TLN1: variants seen among roughly 807,000 people sequenced by gnomAD.
TLN1 encodes the protein talin 1.
Under a neutral mutation model 292.3 loss-of-function variants are expected in TLN1, and 56 were observed. The observed-to-expected ratio is 0.19, with a 90% CI of 0.15 to 0.24. The LOEUF is 0.24. Ranked by LOEUF, TLN1 falls within the 10% of genes least tolerant of loss-of-function variation. The pLI, the probability that TLN1 is intolerant of heterozygous loss-of-function variation, is 1.00. For synonymous variants in TLN1, 1,119 were observed against 1,253.7 expected (o/e 0.89, Z 2.27); for missense variants, 2,433 against 3,248.2 (o/e 0.75, Z 6.10).
intron 48 of TLN1, among the ~76,000 whole-genome samples, chr9:35,701,407 A>T (rs985714332): frequency 1.2e-4 from 19 of 152,172 alleles, no homozygotes; most frequent in Non-Finnish European, 5.9e-5. Flanking sequence ...ACTCATGAGT[A>T]ACTGGGACAG....
chr9:35,723,738 G>T, intron 7 of TLN1: 1 of 621,956 alleles, frequency 1.6e-6, no homozygotes, highest in Non-Finnish European at 2.7e-6. Context: ...TCAGAGATGG[G>T]GGTAGGGGCA....
intron 34 of TLN1, 154 bp from the exon 35 acceptor site, chr9:35,708,046 A>C (rs1456390121): frequency 1.1e-6 from 1 of 888,176 alleles, no homozygotes; most frequent in Non-Finnish European, 1.7e-6. Flanking sequence ...TCTAGGAGAC[A>C]GAGATACCCA....
rs894635972 is a variant in TLN1 at position 35,699,592 on chromosome 9, C to T, written c.6769-131G>A. ...TCCACACCATAGCCCTCAAACTCCACGCTGCCTATCCAAGTACACATCATG... is the reference window on the plus strand; with the variant it reads ...TCCACACCATAGCCCTCAAACTCCATGCTGCCTATCCAAGTACACATCATG... On this transcript the variant is annotated intron_variant, in intron 50 of 56. Coordinates refer to ENST00000314888, the MANE Select transcript of TLN1 (RefSeq NM_006289.4). The surrounding 1 kb of genome is among the most constrained non-coding windows in gnomAD (Gnocchi z 4.0). The T allele has an allele frequency of 1.0e-5, 15 of 1,430,092 alleles. No homozygotes were observed. Among genetic ancestry groups the T allele is most frequent in the Middle Eastern group, 2.5e-4 (1 of 4,046 alleles). 88.6% of individuals were successfully genotyped at this position (1,430,092 alleles called of 1,614,324 possible). A position where few individuals can be genotyped will look rare whatever the true frequency, so the allele number is the denominator to read the frequency against.
Position 35,704,266 on chromosome 9 carries a change from T to C in TLN1, c.6047+66A>G, listed in dbSNP as rs1472601555. ...AGGTCTTCCCCATTCCAGCGAATGCTATCCTGCCTCTTCCAGCCCCGTGCC... is the reference window on the plus strand; with the variant it reads ...AGGTCTTCCCCATTCCAGCGAATGCCATCCTGCCTCTTCCAGCCCCGTGCC... On this transcript the variant is annotated intron_variant, in intron 45 of 56. Coordinates refer to ENST00000314888, the MANE Select transcript of TLN1 (RefSeq NM_006289.4). The surrounding 1 kb of genome is among the most constrained non-coding windows in gnomAD (Gnocchi z 6.9). 1.9e-6 allele frequency: 3 copies of C among 1,582,222 alleles called. No individual in the cohort carries two copies. In the African/African-American group the frequency reaches 4.0e-5, roughly 21 times the overall value.
rs775353147 is a variant in TLN1, at chr9:35,698,286, T to C, written c.7371+37A>G. On this transcript the variant is annotated intron_variant, in intron 55 of 56. Coordinates refer to ENST00000314888, the MANE Select transcript of TLN1 (RefSeq NM_006289.4). This position sits in a 1 kb window ranked among gnomAD's most constrained non-coding sequence, Gnocchi z 5.3. The stretch of plus-strand genomic sequence containing the variant: ...TCGGGAGTGACAGTTTGAAGCAGTA[T>C]AGCCCAAGGGACAATGGGATGGGTC... 1.9e-6 allele frequency: 3 copies of C among 1,611,840 alleles called. No individual in the cohort carries two copies. Among genetic ancestry groups the C allele is most frequent in the Non-Finnish European group, 2.5e-6 (3 of 1,178,284 alleles).
intron 7 of TLN1, chr9:35,723,510 T>G (rs1482777019): frequency 4.8e-6 from 1 of 208,796 alleles, no homozygotes; most frequent in African/African-American, 2.4e-5. Context: ...GAGCACCATT[T>G]CAGGGAACCA....
intron 1 of TLN1, among the ~76,000 whole-genome samples, chr9:35,730,942 G>A (rs1424260676): frequency 6.6e-6 from 1 of 152,070 alleles, no homozygotes; most frequent in African/African-American, 2.4e-5. Flanking sequence ...TTGTGACTAG[G>A]CCTTGTACAT....
chr9:35,724,387 C>T lies in TLN1; in HGVS notation c.512-53G>A, dbSNP rs1487188737. 2 of 1,607,784 alleles carry T rather than the reference C, an allele frequency of 1.2e-6. No homozygotes were observed. The highest frequency in any genetic ancestry group is 1.3e-5 in the African/African-American group (1 of 74,738). On this transcript the variant is annotated intron_variant, in intron 5 of 56. Transcript: ENST00000314888. This position sits in a 1 kb window ranked among gnomAD's most constrained non-coding sequence, Gnocchi z 4.7. ...CAAACCCCCATGGCCCCTGTGCTGT[C>T]TGGTCTCTGTTTATTTCTGCATTTC...
rs1403787592 is a variant in TLN1, at chr9:35,725,404, T to A, written c.131-83A>T. ...TTGTACCATGTTGCCCCTGACTATT[T>A]CTCCCATGACCTTGGGCCTAAAGAA... On this transcript the variant is annotated intron_variant, in intron 2 of 56. Coordinates refer to ENST00000314888, the MANE Select transcript of TLN1 (RefSeq NM_006289.4). The A allele has an allele frequency of 2.6e-6, 4 of 1,548,994 alleles. No homozygotes were observed. In the African/African-American group the frequency reaches 4.1e-5, roughly 16 times the overall value.
At position 35,722,822 on chromosome 9, in the gene TLN1, C is replaced by T. The variant is rs202089490; in HGVS notation, c.843+39G>A. Reference sequence around the variant, plus strand: ...GTCAGTAAGATTAAGCAGCAAAGCTCCGCGGTCATCCCAAATACTTTCCCC... The same window carrying T: ...GTCAGTAAGATTAAGCAGCAAAGCTTCGCGGTCATCCCAAATACTTTCCCC... On this transcript the variant is annotated intron_variant, in intron 8 of 56. Coordinates refer to ENST00000314888, the MANE Select transcript of TLN1 (RefSeq NM_006289.4). 4 of 1,604,998 alleles carry T rather than the reference C, an allele frequency of 2.5e-6. No individual in the cohort carries two copies. The African/African-American group carries it at 5.3e-5, about 21-fold the overall frequency.
Position 35,719,972 on chromosome 9 carries a change from C to T in TLN1, c.1464+67G>A. ...AGGGACCTGGGAAAAGACTGCCTAACTCCTGGCTCGGCCCAGCTGAGGGTG... is the reference window on the plus strand; with the variant it reads ...AGGGACCTGGGAAAAGACTGCCTAATTCCTGGCTCGGCCCAGCTGAGGGTG... On this transcript the variant is annotated intron_variant, in intron 13 of 56. Transcript: ENST00000314888. The surrounding 1 kb of genome is among the most constrained non-coding windows in gnomAD (Gnocchi z 4.6). 1 of 1,589,058 alleles carries T rather than the reference C, an allele frequency of 6.3e-7. No homozygotes were observed. The highest frequency in any genetic ancestry group is 8.6e-7 in the Non-Finnish European group (1 of 1,165,546).
At position 35,697,792 on chromosome 9, in the gene TLN1, T is replaced by TA. The variant is rs754137494; in HGVS notation, c.7624dup (p.Ter2542LeufsTer67). 3.7e-6 allele frequency: 6 copies of TA among 1,614,042 alleles called. 1 individual carries two copies. The South Asian group carries it at 6.6e-5, about 18-fold the overall frequency. On this transcript the variant is annotated frameshift_variant and stop_lost, in exon 57 of 57. Transcript: ENST00000314888. LOFTEE classifies it high-confidence loss of function. Reference sequence around the variant, plus strand: ...CTGCATTAAATAGAAGAGGCTTCTTTAGTGCTCATCTCGAAGCTCTGAAGG... The same window carrying TA: ...CTGCATTAAATAGAAGAGGCTTCTTTAAGTGCTCATCTCGAAGCTCTGAAGG...
At chr9:35,709,304 CAAACAAAAAACCAAAA>C (rs372536920) in intron 33 of TLN1, among the ~76,000 whole-genome samples, 2,568 of 152,050 alleles carry the variant, frequency 0.017, 62 homozygotes, top group African/African-American at 0.058. Flanking sequence ...AAAAAACAAA[CAAACAAAAAACCAAAA>C]AAACAAAAAA....
intron 10 of TLN1, among the ~76,000 whole-genome samples, chr9:35,721,295 T>G (rs1825874787): frequency 6.6e-6 from 1 of 152,206 alleles, no homozygotes; most frequent in East Asian, 1.9e-4. Flanking sequence ...CTTTATCAAG[T>G]TGATATCAGT....
At position 35,705,801 on chromosome 9, in the gene TLN1, T is replaced by C. The variant is rs755413996; in HGVS notation, c.5562A>G (p.Gln1854=). The C allele has an allele frequency of 1.4e-5, 22 of 1,614,246 alleles. No homozygotes were observed. Among genetic ancestry groups the C allele is most frequent in the Middle Eastern group, 1.6e-4 (1 of 6,062 alleles). ...CCTTGGCTGTCCGCACCATAGTTGT[T>C]TGGTAATCCACGAAGGAACCTTCTG... The part of the protein sequence containing the change: ...GEPEGSFVDY[Q]TTMVRTAKAI... Residue 1854 remains glutamine (Q), a synonymous_variant, in exon 42 of 57, where the codon CAA becomes CAG. Coordinates refer to ENST00000314888, the MANE Select transcript of TLN1 (RefSeq NM_006289.4).
At position 35,706,513 on chromosome 9, in the gene TLN1, G is replaced by A. The variant is rs748555839; in HGVS notation, c.5127C>T (p.Ile1709=). ...TGGCCAGCGGCTCAATGAGATGGGA[G>A]ATCTCTTGGACTGCAGTGAGCATCT... ...HTQMLTAVQE[I]SHLIEPLANA... is the part of the protein sequence containing the mutation. The change falls in exon 39 of 57, where the codon ATC becomes ATT. Residue 1709 remains isoleucine (I), a synonymous_variant. Transcript: ENST00000314888. The surrounding 1 kb of genome is among the most constrained non-coding windows in gnomAD (Gnocchi z 4.2). The A allele has an allele frequency of 1.2e-6, 2 of 1,614,006 alleles. No homozygotes were observed. The highest frequency in any genetic ancestry group is 1.7e-6 in the Non-Finnish European group (2 of 1,180,036).
chr9:35,729,563 T>A (rs925776605), intron 1 of TLN1, among the ~76,000 whole-genome samples: 2 of 152,232 alleles, frequency 1.3e-5, no homozygotes, highest in Non-Finnish European at 1.5e-5. Flanking sequence ...AAAATAACTC[T>A]GGCAGTTACC....
rs1456401507 is a variant in TLN1 at position 35,727,714 on chromosome 9, C to T, written c.-33-1987G>A. 2.0e-5 allele frequency among the ~76,000 whole-genome samples: 3 copies of T among 152,104 alleles called. No homozygotes were observed. The East Asian group carries it at 5.8e-4, about 29-fold the overall frequency. ...CGAGAAGCTGGAGGAGTCTGTGGAG[C>T]CAAGAAGCAGGACTGAAAGGACCCT... On this transcript the variant is annotated intron_variant, in intron 1 of 56. Coordinates refer to ENST00000314888, the MANE Select transcript of TLN1 (RefSeq NM_006289.4).
chr9:35,717,241 T>C lies in TLN1; in HGVS notation c.2363A>G (p.His788Arg). 1.2e-6 allele frequency: 2 copies of C among 1,614,200 alleles called. No homozygotes were observed. Among genetic ancestry groups the C allele is most frequent in the Non-Finnish European group, 1.7e-6 (2 of 1,180,040 alleles). ...LNELLQHVKA[H>R]ATGAGPAGRY... ...GCCAGCAGGCCCAGCCCCTGTGGCA[T>C]GGGCTTTCACATGCTGCAGCAGCTC... The change falls in exon 19 of 57, where the codon CAT (histidine) becomes CGT (arginine). Residue 788 changes from histidine to arginine, a missense_variant. This residue lies in a region of TLN1 where 617 missense variants were observed against 770.6 expected (regional missense o/e 0.80). Coordinates refer to ENST00000314888, the MANE Select transcript of TLN1 (RefSeq NM_006289.4). This position sits in a 1 kb window ranked among gnomAD's most constrained non-coding sequence, Gnocchi z 4.7.
Sources: allele counts gnomAD v4.1 joint callset (sites outside exome capture counted in the v4.1 genomes callset), GRCh38; gene constraint gnomAD v4.1.1; regional missense constraint gnomAD v4.1.1; non-coding constraint Gnocchi (gnomAD v3.1); transcripts MANE v1.5; gene names NCBI Gene and HGNC (gene_info 2026-07-23, HGNC 2026-07-21).